The following R3HDM2 variants were observed in gnomAD, a reference collection of about 807,000 sequenced individuals.
The protein encoded by R3HDM2 is R3H domain containing 2.
R3HDM2 carries 38 observed loss-of-function variants against 124.5 expected under a neutral mutation model. The ratio of observed to expected loss-of-function variants is 0.31; its 90% CI spans 0.24 to 0.40. R3HDM2 has a LOEUF of 0.40. R3HDM2 is among the 10% of genes least tolerant of loss of function. R3HDM2 has a pLI of 1.00. For synonymous variants in R3HDM2, 391 were observed against 448.0 expected (o/e 0.87, Z 1.61); for missense variants, 869 against 1,236.9 (o/e 0.70, Z 4.46).
rs967876111 is a variant in R3HDM2, at chr12:57,313,018, G to T, written c.-35-2555C>A. 1.1e-4 allele frequency among the ~76,000 whole-genome samples: 17 copies of T among 151,084 alleles called. 2 individuals are homozygous for T. Among genetic ancestry groups the T allele is most frequent in the Non-Finnish European group, 2.9e-5 (2 of 67,854 alleles). ...CTAGCTACAAATATTGAAAGAAACT[G>T]ACTACAAACTTCCATTTTAAAATTA... On this transcript the variant is annotated intron_variant, in intron 2 of 23. Transcript: ENST00000402412.
chr12:57,345,141 A>T (rs527798741), intron 2 of R3HDM2, among the ~76,000 whole-genome samples: 6 of 150,948 alleles, frequency 4.0e-5, no homozygotes, highest in Non-Finnish European at 7.4e-5. Flanking sequence ...GCCTAAAAAA[A>T]TTTCCTTATT....
At chr12:57,336,762 G>C (rs2058896781) in intron 2 of R3HDM2, among the ~76,000 whole-genome samples, 1 of 149,928 alleles carries the variant, frequency 6.7e-6, no homozygotes, top group Non-Finnish European at 1.5e-5. Flanking sequence ...AAACCCCTGT[G>C]ATACATGTTT....
chr12:57,395,794 C>T lies in R3HDM2; in HGVS notation c.-81G>A. 1.0e-6 allele frequency: 1 copy of T among 984,110 alleles called. No individual in the cohort carries two copies. The highest frequency in any genetic ancestry group is 1.8e-5 in the African/African-American group (1 of 57,040). 61.0% of individuals were successfully genotyped at this position (984,110 alleles called of 1,614,324 possible). A position where few individuals can be genotyped will look rare whatever the true frequency, so the allele number is the denominator to read the frequency against. On this transcript the variant is annotated 5_prime_UTR_variant, in exon 2 of 24. The change abolishes the stop of an existing upstream ORF in the 5' untranslated region. Transcript: ENST00000402412. ...CATGAGTCCAGTGCTGGAATGGCATCACATATAAGAAACAAGTCTAACCTC... is the reference window on the plus strand; with the variant it reads ...CATGAGTCCAGTGCTGGAATGGCATTACATATAAGAAACAAGTCTAACCTC...
At chr12:57,387,250 G>C (rs1030844122) in intron 2 of R3HDM2, among the ~76,000 whole-genome samples, 1 of 152,124 alleles carries the variant, frequency 6.6e-6, no homozygotes, top group African/African-American at 2.4e-5. Context: ...TCTTGCTGCT[G>C]CTCACTCTTT....
chr12:57,405,517 T>C (rs1398591724), intron 1 of R3HDM2, among the ~76,000 whole-genome samples: 2 of 151,964 alleles, frequency 1.3e-5, no homozygotes, highest in Non-Finnish European at 2.9e-5. Context: ...TGCTGTAGTC[T>C]CAGCTACTGG....
At chr12:57,348,067 T>C (rs1490317848) in intron 2 of R3HDM2, among the ~76,000 whole-genome samples, 2 of 152,172 alleles carry the variant, frequency 1.3e-5, no homozygotes, top group East Asian at 3.8e-4. Flanking sequence ...GTTCTGATCG[T>C]TCTGTATTTT....
At chr12:57,268,130 T>C (rs2042873569) in intron 18 of R3HDM2, 173 bp downstream of exon 18, 1 of 578,994 alleles carries the variant, frequency 1.7e-6, no homozygotes, top group East Asian at 3.2e-5. Context: ...CTTAGGCACA[T>C]GTCAAATCAA....
At chr12:57,347,598 A>G (rs986129395) in intron 2 of R3HDM2, among the ~76,000 whole-genome samples, 7 of 152,226 alleles carry the variant, frequency 4.6e-5, no homozygotes, top group Non-Finnish European at 7.3e-5. Context: ...AATGCCAGTT[A>G]AAAGACAGAG....
rs369423272 is a variant in R3HDM2, at chr12:57,357,780, CCTAA to C, written c.-36+37965_-36+37968del. On this transcript the variant is annotated intron_variant, in intron 2 of 23. Transcript: ENST00000402412. ...TCAATGATTTTAGATTTTTCTGCTT[CCTAA>C]CTATTTAATGCTATAAACTTCCATT... Among the ~76,000 whole-genome samples, 191 of 151,272 alleles carry C rather than the reference CCTAA, an allele frequency of 1.3e-3. 1 individual carries two copies. Among genetic ancestry groups the C allele is most frequent in the African/African-American group, 4.5e-3 (184 of 41,232 alleles).
intron 1 of R3HDM2, among the ~76,000 whole-genome samples, chr12:57,403,184 C>T (rs530343324): frequency 6.6e-6 from 1 of 151,928 alleles, no homozygotes; most frequent in African/African-American, 2.4e-5. Flanking sequence ...GGTGAAACCT[C>T]GTCTCTACTA....
At chr12:57,385,038 T>G (rs2065496665) in intron 2 of R3HDM2, among the ~76,000 whole-genome samples, 4 of 151,662 alleles carry the variant, frequency 2.6e-5, no homozygotes. Flanking sequence ...TCCCAGCTAC[T>G]CAGGAGGCTG....
At chr12:57,374,304 A>G (rs1248044279) in intron 2 of R3HDM2, among the ~76,000 whole-genome samples, 1 of 151,488 alleles carries the variant, frequency 6.6e-6, no homozygotes, top group Non-Finnish European at 1.5e-5. Flanking sequence ...GGGCAATGGG[A>G]GTGAGACCAT....
chr12:57,418,159 A>C (rs1594632622), intron 1 of R3HDM2: 2 of 985,244 alleles, frequency 2.0e-6, no homozygotes, highest in South Asian at 9.4e-5. Flanking sequence ...AGTAAGCAAC[A>C]CCACCCAGTT....
chr12:57,319,204 T>G (rs943998169), intron 2 of R3HDM2, among the ~76,000 whole-genome samples: 2 of 151,990 alleles, frequency 1.3e-5, no homozygotes, highest in African/African-American at 2.4e-5. Flanking sequence ...TCCGGCTAAT[T>G]TTTGTACTTT....
intron 23 of R3HDM2, among the ~76,000 whole-genome samples, 182 bp downstream of exon 23, chr12:57,255,808 G>A (rs1369594954): frequency 6.6e-6 from 1 of 152,164 alleles, no homozygotes; most frequent in Non-Finnish European, 1.5e-5. Context: ...CTCAGAATCT[G>A]AGATGGCTTG....
intron 14 of R3HDM2, among the ~76,000 whole-genome samples, chr12:57,274,442 A>G (rs1382551585): frequency 1.3e-5 from 2 of 152,188 alleles, no homozygotes; most frequent in East Asian, 3.9e-4. Context: ...CCACCACTGC[A>G]CTCCAGCCTG....
At chr12:57,328,053 G>A (rs1045730653) in intron 2 of R3HDM2, among the ~76,000 whole-genome samples, 1 of 150,982 alleles carries the variant, frequency 6.6e-6, no homozygotes, top group African/African-American at 2.4e-5. Flanking sequence ...ACAGTCAGTC[G>A]ATTCGGTAAA....
chr12:57,337,941 A>T (rs990772683), intron 2 of R3HDM2, among the ~76,000 whole-genome samples: 5 of 152,250 alleles, frequency 3.3e-5, no homozygotes, highest in Non-Finnish European at 7.3e-5. Context: ...TCAGATATGA[A>T]CACTAGAAAT....
intron 2 of R3HDM2, among the ~76,000 whole-genome samples, chr12:57,368,575 G>C (rs1457493587): frequency 3.3e-5 from 5 of 152,258 alleles, no homozygotes; most frequent in African/African-American, 1.2e-4. Flanking sequence ...ATATCTATGT[G>C]ATGGAGCCCC....
Sources: allele counts gnomAD v4.1 joint callset (sites outside exome capture counted in the v4.1 genomes callset), GRCh38; gene constraint gnomAD v4.1.1; transcripts MANE v1.5; gene names NCBI Gene and HGNC (gene_info 2026-07-23, HGNC 2026-07-21).